Variants in ZWILCH observed in about 807,000 individuals in gnomAD.
ZWILCH encodes protein zwilch homolog.
In ZWILCH, 74 loss-of-function variants were observed where a neutral mutation model predicts 79.9. The ratio of observed to expected loss-of-function variants is 0.93; its 90% confidence interval spans 0.77 to 1.12. The LOEUF (loss-of-function observed/expected upper bound fraction) is 1.12. Among genes scored for constraint, ZWILCH ranks in the 50% most tolerant of loss-of-function variants. The pLI is 0.00. For missense variants in ZWILCH, 694 were observed against 687.5 expected (o/e 1.01, Z -0.11); for synonymous variants, 241 against 228.2 (o/e 1.06, Z -0.51).
In ZWILCH at chr15:66,536,747, C is replaced by T. The variant is rs540531057; in HGVS notation, c.1479-421C>T. ...AATCTCCAAGTTTTGTTTTTTTTTT[C>T]CCCATTATAGATCAGTGGAATGAAT... On this transcript the variant is annotated intron_variant, in intron 15 of 18. Coordinates refer to ENST00000307897, the MANE Select transcript of ZWILCH (RefSeq NM_017975.5). Among the ~76,000 whole-genome samples, 21 of 148,986 alleles carry T rather than the reference C, an allele frequency of 1.4e-4. No homozygotes were observed. The South Asian group carries it at 3.4e-3, about 24-fold the overall frequency.
At chr15:66,542,026 T>C (rs1895206136) in intron 17 of ZWILCH, among the ~76,000 whole-genome samples, 1 of 152,226 alleles carries the variant, frequency 6.6e-6, no homozygotes, top group Admixed American at 6.5e-5. Context: ...CTGAGAGCCA[T>C]CAGTTAAAAT....
At chr15:66,519,509 C>T (rs1237834775) in intron 5 of ZWILCH, among the ~76,000 whole-genome samples, 1 of 152,216 alleles carries the variant, frequency 6.6e-6, no homozygotes, top group Non-Finnish European at 1.5e-5. Flanking sequence ...GGTGGGAGTG[C>T]AGTGGCGCGA....
At chr15:66,536,218 T>C (rs1895013457) in intron 15 of ZWILCH, 149 bp downstream of exon 15, 1 of 597,156 alleles carries the variant, frequency 1.7e-6, no homozygotes. Flanking sequence ...GTCAGTGCCA[T>C]AGGCAGGAAA....
intron 13 of ZWILCH, 116 bp downstream of exon 13, chr15:66,532,519 T>C (rs1894888264): frequency 1.2e-6 from 1 of 864,356 alleles, no homozygotes; most frequent in East Asian, 3.0e-5. Flanking sequence ...TTCCTGGCTT[T>C]GTACCTGGTT....
chr15:66,536,642 G>T (rs547065991), intron 15 of ZWILCH, among the ~76,000 whole-genome samples: 18 of 152,264 alleles, frequency 1.2e-4, no homozygotes, highest in African/African-American at 4.1e-4. Context: ...CCTCTGGAAG[G>T]AAATGTACCA....
chr15:66,539,421 AAAG>A (rs1294721618), intron 16 of ZWILCH, among the ~76,000 whole-genome samples: 1 of 151,576 alleles, frequency 6.6e-6, no homozygotes, highest in East Asian at 1.9e-4. Context: ...AAAAAAAAAA[AAAG>A]ATTACTGAGT....
At chr15:66,544,337 T>C (rs1314546037) in intron 17 of ZWILCH, among the ~76,000 whole-genome samples, 1 of 152,086 alleles carries the variant, frequency 6.6e-6, no homozygotes, top group Non-Finnish European at 1.5e-5. Context: ...GAAAATGTTA[T>C]TTATTTATTT....
rs562153125 is a variant in ZWILCH, at chr15:66,549,378, C to T, written c.*1054C>T. The T allele has an allele frequency of 1.3e-5, 2 of 152,234 alleles. No individual in the cohort carries two copies. Among genetic ancestry groups the T allele is most frequent in the Middle Eastern group, 3.4e-3 (1 of 294 alleles). 9.4% of individuals were successfully genotyped at this position (152,234 alleles called of 1,614,324 possible). ...TAGCTAGTTTGGTAAGATTTGGTCT[C>T]GCACCTTCCATCTTTGCTACCACAT... On this transcript the variant is annotated 3_prime_UTR_variant, in exon 19 of 19. Coordinates refer to ENST00000307897, the MANE Select transcript of ZWILCH (RefSeq NM_017975.5).
Position 66,546,658 on chromosome 15 carries a change from C to A in ZWILCH, c.1755C>A (p.Cys585Ter). ...TATTCTTTACTAACATGGTTACCTG[C>A]AGCCAGGTGCATTTCAAGTGAAGTG... is the stretch of plus-strand genomic sequence containing the variant. ...ERIFFTNMVT[C>*]SQVHFK The change falls in exon 18 of 19, where the codon TGC (cysteine) becomes TGA (stop). Residue 585 changes from cysteine (C) to a stop codon, truncating the protein, a stop_gained. Coordinates refer to ENST00000307897, the MANE Select transcript of ZWILCH (RefSeq NM_017975.5). LOFTEE classifies it high-confidence loss of function. 6.2e-7 allele frequency: 1 copy of A among 1,607,896 alleles called. No individual in the cohort carries two copies. The highest frequency in any genetic ancestry group is 2.2e-5 in the East Asian group (1 of 44,634).
intron 14 of ZWILCH, among the ~76,000 whole-genome samples, chr15:66,535,229 A>G (rs1894973021): frequency 6.6e-6 from 1 of 152,150 alleles, no homozygotes; most frequent in African/African-American, 2.4e-5. Context: ...GCCTTCTGGA[A>G]TACCTCCTGA....
intron 11 of ZWILCH, 59 bp from the exon 12 acceptor site, chr15:66,529,435 G>T: frequency 8.8e-7 from 1 of 1,140,406 alleles, no homozygotes; most frequent in South Asian, 1.4e-5. Context: ...TAAGATTAAT[G>T]ATATATTTGA....
chr15:66,511,479 C>T (rs1270284922), intron 2 of ZWILCH, among the ~76,000 whole-genome samples: 4 of 138,756 alleles, frequency 2.9e-5, no homozygotes, highest in African/African-American at 1.1e-4. Context: ...GGTGACAGAG[C>T]GAGAGCCTGT....
intron 4 of ZWILCH, among the ~76,000 whole-genome samples, chr15:66,518,168 G>T (rs1222058208): frequency 6.6e-6 from 1 of 151,882 alleles, no homozygotes; most frequent in Non-Finnish European, 1.5e-5. Context: ...GTCATACTCT[G>T]TCACTTTCTG....
chr15:66,513,117 G>T (rs963780996), intron 2 of ZWILCH, among the ~76,000 whole-genome samples: 1 of 152,038 alleles, frequency 6.6e-6, no homozygotes, highest in African/African-American at 2.4e-5. Context: ...TTTTAGTAGA[G>T]ATAGAGTTTC....
At chr15:66,540,409 C>T (rs568684983) in intron 17 of ZWILCH, among the ~76,000 whole-genome samples, 199 bp downstream of exon 17, 13 of 151,880 alleles carry the variant, frequency 8.6e-5, no homozygotes, top group South Asian at 8.3e-4. Context: ...AAAAATTAGC[C>T]GGGCATGGTT....
chr15:66,529,842 G>C (rs543237790), intron 12 of ZWILCH, among the ~76,000 whole-genome samples: 2 of 152,320 alleles, frequency 1.3e-5, no homozygotes, highest in Admixed American at 6.5e-5. Context: ...TAAGGGCCCA[G>C]TGTGTGTAAA....
chr15:66,536,738 T>G (rs919907204), intron 15 of ZWILCH, among the ~76,000 whole-genome samples: 11 of 151,608 alleles, frequency 7.3e-5, no homozygotes, highest in Admixed American at 3.3e-4. Context: ...CAAGTTTTGT[T>G]TTTTTTTTCC....
intron 4 of ZWILCH, 88 bp downstream of exon 4, chr15:66,515,732 C>G: frequency 1.2e-6 from 1 of 859,326 alleles, no homozygotes; most frequent in Non-Finnish European, 2.0e-6. Flanking sequence ...AGGCCTCTAG[C>G]CCTTATATCT....
intron 1 of ZWILCH, among the ~76,000 whole-genome samples, chr15:66,507,932 G>T (rs1893889954): frequency 7.6e-6 from 1 of 131,288 alleles, no homozygotes; most frequent in African/African-American, 2.8e-5. Context: ...GAGCGAGACT[G>T]CATCTCAAAA....
Sources: gnomAD v4.1 joint callset for allele counts (sites outside exome capture counted in the v4.1 genomes callset) on GRCh38, gnomAD v4.1.1 for gene constraint, MANE v1.5 for transcripts, NCBI Gene and HGNC (gene_info 2026-07-23, HGNC 2026-07-21) for gene names.